SLC7A8: variants seen among roughly 807,000 people sequenced by gnomAD.
The protein encoded by SLC7A8 is large neutral amino acids transporter small subunit 2.
A neutral mutation model predicts 51.2 loss-of-function variants in SLC7A8; 30 were observed. That is an observed-to-expected ratio of 0.59 (90% CI 0.44 to 0.80). SLC7A8 has a LOEUF of 0.80. Ranked by LOEUF, SLC7A8 falls within the 30% of genes least tolerant of loss-of-function variation. The probability of loss-of-function intolerance (pLI) is 0.00; values close to 1 mark genes in which losing one functional copy is unlikely to be tolerated. For missense variants in SLC7A8, 612 were observed against 674.4 expected (o/e 0.91, Z 1.03); for synonymous variants, 257 against 275.8 (o/e 0.93, Z 0.67).
chr14:23,164,116 G>A (rs1438428950), intron 3 of SLC7A8, among the ~76,000 whole-genome samples: 2 of 152,118 alleles, frequency 1.3e-5, no homozygotes, highest in African/African-American at 4.8e-5. Flanking sequence ...GGAACTACAG[G>A]TGTACACCAC....
intron 3 of SLC7A8, among the ~76,000 whole-genome samples, chr14:23,147,863 G>A (rs1030182849): frequency 1.3e-5 from 2 of 152,190 alleles, no homozygotes; most frequent in African/African-American, 2.4e-5. Flanking sequence ...CTGGAACACT[G>A]CCCAGAGTCC....
chr14:23,154,521 T>C, intron 3 of SLC7A8: 1 of 972,874 alleles, frequency 1.0e-6, no homozygotes, highest in Non-Finnish European at 1.2e-6. Flanking sequence ...ACTGAGCACG[T>C]GTTTCTAATT....
rs1235249721 is a variant in SLC7A8 at position 23,155,217 on chromosome 14, C to A, written c.508+10068G>T. 13 of 1,535,904 alleles carry A rather than the reference C, an allele frequency of 8.5e-6. No individual in the cohort carries two copies. In the East Asian group the frequency reaches 3.2e-4, roughly 38 times the overall value. On this transcript the variant is annotated intron_variant, in intron 3 of 10. Transcript: ENST00000316902. ...TCCAAAGGAGAGGAGGTGCTCTGAGCCTTCCGGAAGGGCCTCTCTCTTCCA... is the reference window on the plus strand; with the variant it reads ...TCCAAAGGAGAGGAGGTGCTCTGAGACTTCCGGAAGGGCCTCTCTCTTCCA...
intron 3 of SLC7A8, among the ~76,000 whole-genome samples, chr14:23,149,733 A>G (rs1238043756): frequency 1.3e-5 from 2 of 152,220 alleles, no homozygotes; most frequent in Non-Finnish European, 2.9e-5. Flanking sequence ...ACCCTAAATC[A>G]ATATACAGTC....
chr14:23,172,539 C>T (rs948092901), intron 1 of SLC7A8, among the ~76,000 whole-genome samples: 1 of 152,154 alleles, frequency 6.6e-6, no homozygotes, highest in Non-Finnish European at 1.5e-5. Context: ...GAGTGTTGCG[C>T]CCTCAAATAA....
chr14:23,143,764 C>G (rs958291034), intron 3 of SLC7A8, among the ~76,000 whole-genome samples: 1 of 152,220 alleles, frequency 6.6e-6, no homozygotes, highest in Non-Finnish European at 1.5e-5. Context: ...ATTCCCAACA[C>G]TCTAAAAAGT....
chr14:23,161,548 G>GC (rs1466383809), intron 3 of SLC7A8, among the ~76,000 whole-genome samples: 2 of 141,820 alleles, frequency 1.4e-5, no homozygotes, highest in African/African-American at 2.6e-5. Context: ...TAGCTGGCTT[G>GC]CCTGGCCCCT....
Position 23,126,821 on chromosome 14 carries a change from G to A in SLC7A8, c.*356C>T. On this transcript the variant is annotated 3_prime_UTR_variant, in exon 11 of 11. Coordinates refer to ENST00000316902, the MANE Select transcript of SLC7A8 (RefSeq NM_012244.4). ...CCTGTGGCCTCTCCTCTCTGAAGGG[G>A]CCTCCCTGGGAGGGAAGGCAGTAAT... is the stretch of plus-strand genomic sequence containing the variant. 3.3e-6 allele frequency: 1 copy of A among 305,810 alleles called. No individual in the cohort carries two copies. The highest frequency in any genetic ancestry group is 6.3e-6 in the Non-Finnish European group (1 of 159,254). The allele number at this position is 305,810 out of a possible 1,614,324, so 18.9% of individuals were successfully genotyped here.
intron 1 of SLC7A8, among the ~76,000 whole-genome samples, chr14:23,178,231 G>A (rs1012914863): frequency 1.3e-5 from 2 of 152,122 alleles, no homozygotes; most frequent in Admixed American, 6.5e-5. Context: ...AGTAGCTCTG[G>A]TATCATTAAT....
At position 23,166,335 on chromosome 14, in the gene SLC7A8, C is replaced by A. The variant is rs1394777921; in HGVS notation, c.356+1G>T. 2 of 1,613,138 alleles carry A rather than the reference C, an allele frequency of 1.2e-6. No homozygotes were observed. The highest frequency in any genetic ancestry group is 8.5e-7 in the Non-Finnish European group (1 of 1,179,990). On this transcript the variant is annotated splice_donor_variant, in intron 2 of 10. Transcript: ENST00000316902. LOFTEE classifies it high-confidence loss of function. Reference sequence around the variant, plus strand: ...ATTCAGGTCTCCACAGATCCTCTTACCCAGCCAGTCCTCCGAAGATGTCCT... The same window carrying A: ...ATTCAGGTCTCCACAGATCCTCTTAACCAGCCAGTCCTCCGAAGATGTCCT...
chr14:23,134,437 CAAAAA>C (rs57162273), intron 7 of SLC7A8, among the ~76,000 whole-genome samples: 1 of 64,186 alleles, frequency 1.6e-5, no homozygotes, highest in African/African-American at 7.0e-5. Flanking sequence ...ACCCTGTCTC[CAAAAA>C]AAAAAAAAAA....
At chr14:23,182,112 C>T (rs1340590248) in intron 1 of SLC7A8, among the ~76,000 whole-genome samples, 1 of 152,164 alleles carries the variant, frequency 6.6e-6, no homozygotes, top group Non-Finnish European at 1.5e-5. Context: ...AGGTGGACCC[C>T]ACCAGGCAAC....
At chr14:23,172,068 T>G (rs1229295673) in intron 1 of SLC7A8, among the ~76,000 whole-genome samples, 1 of 152,250 alleles carries the variant, frequency 6.6e-6, no homozygotes, top group African/African-American at 2.4e-5. Flanking sequence ...TCTCTTCATC[T>G]GCAGAATGGG....
At chr14:23,182,297 T>C (rs1239483499) in intron 1 of SLC7A8, among the ~76,000 whole-genome samples, 1 of 152,356 alleles carries the variant, frequency 6.6e-6, no homozygotes, top group East Asian at 1.9e-4. Context: ...TTGCTCTTGC[T>C]ATTTTTAATA....
At chr14:23,139,368 CAG>C in intron 6 of SLC7A8, 54 bp downstream of exon 6, 1 of 1,611,448 alleles carries the variant, frequency 6.2e-7, no homozygotes, top group Non-Finnish European at 8.5e-7. Context: ...GGGGCTACAG[CAG>C]GCAAGTCTAT....
At chr14:23,155,171 T>C in intron 3 of SLC7A8, 2 of 1,535,980 alleles carry the variant, frequency 1.3e-6, no homozygotes, top group Non-Finnish European at 1.7e-6. Context: ...CTTACAACGT[T>C]TTAGAAATCT....
Position 23,140,470 on chromosome 14 carries a change from C to T in SLC7A8, c.788+1G>A, listed in dbSNP as rs761982814. The T allele has an allele frequency of 6.2e-7, 1 of 1,611,390 alleles. No individual in the cohort carries two copies. Among genetic ancestry groups the T allele is most frequent in the Non-Finnish European group, 8.5e-7 (1 of 1,177,814 alleles). ...GGAATAGCCAGGCTCTTTCAACTCACTTGTAGGGATCAACAAGCTCCTCAG... is the reference window on the plus strand; with the variant it reads ...GGAATAGCCAGGCTCTTTCAACTCATTTGTAGGGATCAACAAGCTCCTCAG... On this transcript the variant is annotated splice_donor_variant, in intron 5 of 10. Transcript: ENST00000316902. LOFTEE classifies it high-confidence loss of function.
At chr14:23,156,689 A>C (rs925673632) in intron 3 of SLC7A8, among the ~76,000 whole-genome samples, 6 of 152,228 alleles carry the variant, frequency 3.9e-5, no homozygotes, top group Non-Finnish European at 8.8e-5. Context: ...CTGGTACAAG[A>C]AAGTAGGCAA....
intron 1 of SLC7A8, among the ~76,000 whole-genome samples, chr14:23,180,114 G>T (rs1434355894): frequency 6.6e-6 from 1 of 152,046 alleles, no homozygotes; most frequent in Non-Finnish European, 1.5e-5. Context: ...CACCGTGTTA[G>T]CCAGGATGGT....
Sources: allele counts gnomAD v4.1 joint callset (sites outside exome capture counted in the v4.1 genomes callset), GRCh38; gene constraint gnomAD v4.1.1; transcripts MANE v1.5; gene names NCBI Gene and HGNC (gene_info 2026-07-23, HGNC 2026-07-21).